Variants in ZNF385B observed in about 807,000 individuals in gnomAD.
ZNF385B encodes the protein zinc finger protein 385B, also known as zinc finger protein 533.
Under a neutral mutation model 39.2 loss-of-function variants are expected in ZNF385B, and 23 were observed. The ratio of observed to expected loss-of-function variants is 0.59; its 90% CI spans 0.42 to 0.83. The LOEUF (loss-of-function observed/expected upper bound fraction) is 0.83, where lower values mean the gene tolerates loss of function less well. Ranked by LOEUF, ZNF385B falls within the 40% of genes least tolerant of loss-of-function variation. ZNF385B has a pLI of 0.00. For synonymous variants in ZNF385B, 205 were observed against 222.6 expected, an observed-to-expected ratio of 0.92 and a Z score of 0.70; for missense variants, 552 against 598.9, an observed-to-expected ratio of 0.92 and a Z score of 0.82.
Position 179,662,323 on chromosome 2 carries a change from G to T in ZNF385B, c.298+107180C>A, listed in dbSNP as rs3112974. 4.9e-3 allele frequency among the ~76,000 whole-genome samples: 748 copies of T among 151,932 alleles called. 3 individuals are homozygous for T. Among genetic ancestry groups the T allele is most frequent in the African/African-American group, 0.017 (687 of 41,444 alleles). On this transcript the variant is annotated intron_variant, in intron 3 of 9. Transcript: ENST00000410066. ...TGGTGTGAATAACAGATCCAGAGGG[G>T]CTTTTTTAAACGTCTGTGTTATAGT...
chr2:179,534,930 G>A (rs2059466044), intron 4 of ZNF385B: 1 of 152,160 alleles, frequency 6.6e-6, no homozygotes, highest in African/African-American at 2.4e-5. Flanking sequence ...AAAGGTAAGT[G>A]CTTCAAAAAT....
chr2:179,518,501 A>C, intron 5 of ZNF385B, 27 bp downstream of exon 5: 3 of 1,484,174 alleles, frequency 2.0e-6, no homozygotes, highest in Non-Finnish European at 2.8e-6. Flanking sequence ...GACAAACTAC[A>C]GAGAATAATG....
chr2:179,511,234 G>A (rs990577982), intron 5 of ZNF385B, among the ~76,000 whole-genome samples: 1 of 152,142 alleles, frequency 6.6e-6, no homozygotes, highest in African/African-American at 2.4e-5. Flanking sequence ...CAAAGTTGTG[G>A]CTTCCTTCCT....
At chr2:179,696,690 T>C (rs752334337) in intron 3 of ZNF385B, among the ~76,000 whole-genome samples, 3 of 151,902 alleles carry the variant, frequency 2.0e-5, no homozygotes, top group African/African-American at 7.3e-5. Flanking sequence ...CCAGGTTTGG[T>C]TTTAATAAAC....
intron 5 of ZNF385B, among the ~76,000 whole-genome samples, chr2:179,492,300 A>AT (rs2055319597): frequency 6.6e-6 from 1 of 152,120 alleles, no homozygotes; most frequent in South Asian, 2.1e-4. Context: ...CATAAGAGCA[A>AT]TTTTTGTTAC....
Position 179,691,961 on chromosome 2 carries a change from C to T in ZNF385B, c.298+77542G>A, listed in dbSNP as rs568738309. Among the ~76,000 whole-genome samples the T allele has an allele frequency of 4.7e-4, 71 of 152,196 alleles. 1 individual carries two copies. The South Asian group carries it at 8.7e-3, about 19-fold the overall frequency. ...ATGTGTAATGATCAAATCAGGCTAA[C>T]TTGGGTATCCATCTCCTCAAGCATT... is the stretch of plus-strand genomic sequence containing the variant. On this transcript the variant is annotated intron_variant, in intron 3 of 9. Transcript: ENST00000410066.
intron 3 of ZNF385B, among the ~76,000 whole-genome samples, chr2:179,666,218 C>T (rs1035008061): frequency 3.9e-5 from 6 of 151,940 alleles, no homozygotes; most frequent in African/African-American, 1.5e-4. Flanking sequence ...GTTTTATTTC[C>T]AGAGTTGGTT....
intron 5 of ZNF385B, among the ~76,000 whole-genome samples, chr2:179,490,693 A>G (rs2055126772): frequency 6.6e-6 from 1 of 152,052 alleles, no homozygotes; most frequent in South Asian, 2.1e-4. Context: ...ATTTTGTCTC[A>G]TTTTCCCAGT....
At chr2:179,469,033 C>T (rs774720653) in intron 6 of ZNF385B, among the ~76,000 whole-genome samples, 6 of 152,118 alleles carry the variant, frequency 3.9e-5, no homozygotes, top group Admixed American at 1.3e-4. Context: ...GTTGTTAAAG[C>T]GGGCTTTATA....
chr2:179,669,885 C>T (rs1695681300), intron 3 of ZNF385B, among the ~76,000 whole-genome samples: 1 of 152,138 alleles, frequency 6.6e-6, no homozygotes, highest in Non-Finnish European at 1.5e-5. Flanking sequence ...TCCTGAGAAT[C>T]AACTTAAGGT....
chr2:179,624,848 C>T (rs1690516919), intron 3 of ZNF385B, among the ~76,000 whole-genome samples: 1 of 152,142 alleles, frequency 6.6e-6, no homozygotes, highest in Admixed American at 6.6e-5. Flanking sequence ...TCATAAATGC[C>T]TATCATCTAG....
intron 5 of ZNF385B, among the ~76,000 whole-genome samples, chr2:179,495,773 C>G (rs1355963928): frequency 1.3e-5 from 2 of 152,178 alleles, no homozygotes; most frequent in Non-Finnish European, 2.9e-5. Context: ...CTCTATGAGT[C>G]TGCAAGCACT....
intron 3 of ZNF385B, among the ~76,000 whole-genome samples, chr2:179,652,572 C>T (rs1351008650): frequency 6.6e-6 from 1 of 152,106 alleles, no homozygotes; most frequent in East Asian, 1.9e-4. Flanking sequence ...CTCTCAGTCA[C>T]CCTCATCCAA....
At chr2:179,474,927 C>T (rs1035488288) in intron 6 of ZNF385B, among the ~76,000 whole-genome samples, 1 of 152,188 alleles carries the variant, frequency 6.6e-6, no homozygotes, top group Admixed American at 6.5e-5. Flanking sequence ...CATATCCATA[C>T]TCCCTACTGC....
rs373686757 is a variant in ZNF385B at position 179,544,974 on chromosome 2, C to G, written c.299-5G>C. 6.2e-7 allele frequency: 1 copy of G among 1,613,732 alleles called. No individual in the cohort carries two copies. The highest frequency in any genetic ancestry group is 8.5e-7 in the Non-Finnish European group (1 of 1,179,782). On this transcript the variant is annotated splice_region_variant and splice_polypyrimidine_tract_variant and intron_variant, in intron 3 of 9. Coordinates refer to ENST00000410066, the MANE Select transcript of ZNF385B (RefSeq NM_152520.6). Reference sequence around the variant, plus strand: ...TAGTAGTGTGGCATGTACTGCCTGCCAAGAACAAAACAAAAATGAATTCAA... The same window carrying G: ...TAGTAGTGTGGCATGTACTGCCTGCGAAGAACAAAACAAAAATGAATTCAA...
chr2:179,682,475 C>T (rs1697593470), intron 3 of ZNF385B, among the ~76,000 whole-genome samples: 2 of 152,190 alleles, frequency 1.3e-5, no homozygotes, highest in African/African-American at 4.8e-5. Flanking sequence ...ATCCCAAAAT[C>T]CTGGCAATCA....
At chr2:179,807,631 C>T (rs1436476744) in intron 1 of ZNF385B, among the ~76,000 whole-genome samples, 3 of 151,590 alleles carry the variant, frequency 2.0e-5, no homozygotes, top group Non-Finnish European at 2.9e-5. Context: ...TGCGGTGGCT[C>T]ACGCCTGTAA....
At chr2:179,787,578 G>A (rs576140067) in intron 1 of ZNF385B, among the ~76,000 whole-genome samples, 49 of 152,244 alleles carry the variant, frequency 3.2e-4, no homozygotes, top group African/African-American at 1.1e-3. Flanking sequence ...AAAGCCAATC[G>A]GGAAGGGGGA....
chr2:179,810,306 T>C (rs1316767104), intron 1 of ZNF385B, among the ~76,000 whole-genome samples: 2 of 151,896 alleles, frequency 1.3e-5, no homozygotes, highest in Non-Finnish European at 1.5e-5. Flanking sequence ...AAATACATTT[T>C]TATAATTATA....
Sources: gnomAD v4.1 joint callset for allele counts (sites outside exome capture counted in the v4.1 genomes callset) on GRCh38, gnomAD v4.1.1 for gene constraint, MANE v1.5 for transcripts, NCBI Gene and HGNC (gene_info 2026-07-23, HGNC 2026-07-21) for gene names.